MEAF6: variants seen among roughly 807,000 people sequenced by gnomAD.
MEAF6 encodes chromatin modification-related protein MEAF6.
A neutral mutation model predicts 28.9 loss-of-function variants in MEAF6; 15 were observed. The ratio of observed to expected loss-of-function variants is 0.52; its 90% CI spans 0.35 to 0.80. MEAF6 has a LOEUF of 0.80. Among genes scored for constraint, MEAF6 ranks in the 30% least tolerant of loss-of-function variants. The pLI is 0.01. For synonymous variants in MEAF6, 97 were observed against 88.7 expected (o/e 1.09, Z -0.53); for missense variants, 178 against 237.5 (o/e 0.75, Z 1.65).
chr1:37,511,571 T>G (rs746281719), intron 2 of MEAF6, among the ~76,000 whole-genome samples: 6 of 152,190 alleles, frequency 3.9e-5, no homozygotes, highest in Non-Finnish European at 8.8e-5. Context: ...AATCATATGA[T>G]CAAACTTAGC....
rs1367250894 is a variant in MEAF6 at position 37,490,051 on chromosome 1, T to C, written c.*4048A>G. On this transcript the variant is annotated 3_prime_UTR_variant, in exon 7 of 7. Transcript: ENST00000296214. ...CCTACATGTACTAATGAACTAATAT[T>C]GATGTATATTTGATGTATATATATA... Among the ~76,000 whole-genome samples, 1 of 152,192 alleles carries C rather than the reference T, an allele frequency of 6.6e-6. No homozygotes were observed. Among genetic ancestry groups the C allele is most frequent in the East Asian group, 1.9e-4 (1 of 5,196 alleles).
Position 37,514,763 on chromosome 1 carries a change from C to T in MEAF6, c.-17G>A, listed in dbSNP as rs753488206. 6 of 1,362,836 alleles carry T rather than the reference C, an allele frequency of 4.4e-6. No homozygotes were observed. Among genetic ancestry groups the T allele is most frequent in the South Asian group, 2.8e-5 (2 of 70,410 alleles). The allele number at this position is 1,362,836 out of a possible 1,614,324, so 84.4% of individuals were successfully genotyped here. A position where few individuals can be genotyped will look rare whatever the true frequency, so the allele number is the denominator to read the frequency against. On this transcript the variant is annotated 5_prime_UTR_variant, in exon 1 of 7. Coordinates refer to ENST00000296214, the MANE Select transcript of MEAF6 (RefSeq NM_001270875.3). ...CATCGCCATGTTGGGCTGAGGCGGGCGGCGGCGGCGCGAGGTTGGGGGCGG... is the reference window on the plus strand; with the variant it reads ...CATCGCCATGTTGGGCTGAGGCGGGTGGCGGCGGCGCGAGGTTGGGGGCGG...
rs1641941331 is a variant in MEAF6, at chr1:37,491,841, G to C, written c.*2258C>G. Among the ~76,000 whole-genome samples, 3 of 151,090 alleles carry C rather than the reference G, an allele frequency of 2.0e-5. No homozygotes were observed. Among genetic ancestry groups the C allele is most frequent in the African/African-American group, 7.3e-5 (3 of 41,224 alleles). On this transcript the variant is annotated 3_prime_UTR_variant, in exon 7 of 7. Coordinates refer to ENST00000296214, the MANE Select transcript of MEAF6 (RefSeq NM_001270875.3). ...AGGTCTGCTGTGTGCTTTCCTCAGA[G>C]GGAAGGAAACTAGGCATCCCACTGC...
chr1:37,496,944 TA>T (rs1244978135), intron 5 of MEAF6, among the ~76,000 whole-genome samples: 1 of 152,202 alleles, frequency 6.6e-6, no homozygotes, highest in Admixed American at 6.5e-5. Context: ...AAGACTAGAC[TA>T]TGAAAGAAAA....
In MEAF6 at chr1:37,493,769, T is replaced by C. The variant is rs1386188601; in HGVS notation, c.*330A>G. The C allele has an allele frequency of 1.9e-6, 3 of 1,550,016 alleles. No homozygotes were observed. Among genetic ancestry groups the C allele is most frequent in the South Asian group, 2.4e-5 (2 of 84,034 alleles). On this transcript the variant is annotated 3_prime_UTR_variant, in exon 7 of 7. Transcript: ENST00000296214. ...ACCAGAGAACATTTCTTGAAGGGTA[T>C]CACAGATGAAGCTGGTGCCAGCCAG...
rs1642025125 is a variant in MEAF6 at position 37,493,882 on chromosome 1, TTC to T, written c.*215_*216del. On this transcript the variant is annotated 3_prime_UTR_variant, in exon 7 of 7. Coordinates refer to ENST00000296214, the MANE Select transcript of MEAF6 (RefSeq NM_001270875.3). ...CAACATTGTCTTCATCTTCCTGCAG[TTC>T]TGTTACTAAAAATGACATAAAGTAA... The T allele has an allele frequency of 1.7e-5, 26 of 1,566,402 alleles. No individual in the cohort carries two copies. The highest frequency in any genetic ancestry group is 2.2e-5 in the Non-Finnish European group (26 of 1,157,674).
At chr1:37,500,724 ACT>A (rs1204907661) in intron 5 of MEAF6, among the ~76,000 whole-genome samples, 1 of 152,226 alleles carries the variant, frequency 6.6e-6, no homozygotes, top group East Asian at 1.9e-4. Flanking sequence ...ACCCCCAGGC[ACT>A]GTCATATCCA....
intron 4 of MEAF6, among the ~76,000 whole-genome samples, chr1:37,505,279 A>T (rs1642444187): frequency 6.6e-6 from 1 of 152,196 alleles, no homozygotes; most frequent in South Asian, 2.1e-4. Flanking sequence ...GGAAAGAGAC[A>T]GTTCCAAAAA....
At chr1:37,514,170 G>C (rs1642757735) in intron 1 of MEAF6, 1 of 157,970 alleles carries the variant, frequency 6.3e-6, no homozygotes, top group Admixed American at 6.5e-5. Flanking sequence ...TCACAACCCT[G>C]TCTATCAAAA....
At chr1:37,503,899 G>A (rs1642393905) in intron 4 of MEAF6, among the ~76,000 whole-genome samples, 1 of 152,132 alleles carries the variant, frequency 6.6e-6, no homozygotes, top group Admixed American at 6.6e-5. Flanking sequence ...AGTGGAGATT[G>A]CATGAGCCAA....
Position 37,492,538 on chromosome 1 carries a change from C to G in MEAF6, c.*1561G>C, listed in dbSNP as rs1314615229. 1.5e-5 allele frequency: 1 copy of G among 65,752 alleles called. No homozygotes were observed. The highest frequency in any genetic ancestry group is 6.2e-4 in the East Asian group (1 of 1,606). 4.1% of individuals were successfully genotyped at this position (65,752 alleles called of 1,614,324 possible). A position where few individuals can be genotyped will look rare whatever the true frequency, so the allele number is the denominator to read the frequency against. On this transcript the variant is annotated 3_prime_UTR_variant, in exon 7 of 7. Coordinates refer to ENST00000296214, the MANE Select transcript of MEAF6 (RefSeq NM_001270875.3). ...GGAGTTCTGCTACCAAAGACACAGTCAAAGATCTAAATAGCCAGAGTCAAA... is the reference window on the plus strand; with the variant it reads ...GGAGTTCTGCTACCAAAGACACAGTGAAAGATCTAAATAGCCAGAGTCAAA...
Position 37,493,426 on chromosome 1 carries a change from C to T in MEAF6, c.*673G>A. 3.7e-6 allele frequency: 1 copy of T among 269,992 alleles called. No individual in the cohort carries two copies. The highest frequency in any genetic ancestry group is 6.9e-6 in the Non-Finnish European group (1 of 145,250). 16.7% of individuals were successfully genotyped at this position (269,992 alleles called of 1,614,324 possible). On this transcript the variant is annotated 3_prime_UTR_variant, in exon 7 of 7. Transcript: ENST00000296214. ...TCCTTGAACATGAATCTACTACCAA[C>T]TCAGAAAGATTTAAGATAGGTAATT...
At chr1:37,514,569 CA>C in intron 1 of MEAF6, 87 bp downstream of exon 1, 1 of 1,070,686 alleles carries the variant, frequency 9.3e-7, no homozygotes. Flanking sequence ...CCCGGAGTAA[CA>C]AACGGCCTAG....
Position 37,514,740 on chromosome 1 carries a change from T to G in MEAF6, c.7A>C (p.Met3Leu). The G allele has an allele frequency of 6.7e-7, 1 of 1,485,298 alleles. No individual in the cohort carries two copies. Among genetic ancestry groups the G allele is most frequent in the Non-Finnish European group, 8.9e-7 (1 of 1,118,320 alleles). The allele number at this position is 1,485,298 out of a possible 1,614,324, so 92.0% of individuals were successfully genotyped here. A position where few individuals can be genotyped will look rare whatever the true frequency, so the allele number is the denominator to read the frequency against. Residue 3 changes from methionine to leucine, a missense_variant, in exon 1 of 7, where the codon ATG becomes CTG. Transcript: ENST00000296214. MA[M>L]HNKAAPPQIP... ...TGCGGCGGCGCCGCCTTGTTGTGCA[T>G]CGCCATGTTGGGCTGAGGCGGGCGG... is the stretch of plus-strand genomic sequence containing the variant.
chr1:37,505,034 C>T (rs1227036853), intron 4 of MEAF6, among the ~76,000 whole-genome samples: 2 of 151,988 alleles, frequency 1.3e-5, no homozygotes, highest in Non-Finnish European at 2.9e-5. Context: ...CAGGCACCCA[C>T]CACCATGCCC....
chr1:37,501,840 C>T lies in MEAF6; in HGVS notation c.497G>A (p.Ser166Asn). The T allele has an allele frequency of 6.2e-7, 1 of 1,600,058 alleles. No homozygotes were observed. Among genetic ancestry groups the T allele is most frequent in the Non-Finnish European group, 8.5e-7 (1 of 1,170,636 alleles). Reference protein sequence around the residue: ...ASSTSSGSHHSSHKKRKNKNR... With the variant: ...ASSTSSGSHHNSHKKRKNKNR... The stretch of plus-strand genomic sequence containing the variant: ...TTTATTCTTTCGCTTTTTATGGCTG[C>T]TGTGGTGACTCCCTGAGGAAGTAGA... The change falls in exon 5 of 7, where the codon AGC (serine) becomes AAC (asparagine). Residue 166 changes from serine to asparagine, a missense_variant. By Grantham distance (46) the Ser-to-Asn change is conservative. Coordinates refer to ENST00000296214, the MANE Select transcript of MEAF6 (RefSeq NM_001270875.3).
At chr1:37,514,535 G>A (rs886371408) in intron 1 of MEAF6, 122 bp downstream of exon 1, 28 of 638,394 alleles carry the variant, frequency 4.4e-5, no homozygotes, top group African/African-American at 2.7e-4. Context: ...AGGCCGCCGA[G>A]CACCCGGCCC....
chr1:37,508,965 C>T (rs767020281), intron 4 of MEAF6, among the ~76,000 whole-genome samples: 1 of 152,116 alleles, frequency 6.6e-6, no homozygotes, highest in Non-Finnish European at 1.5e-5. Flanking sequence ...GGTGTGGTGA[C>T]AGATGCCTGT....
At chr1:37,501,285 A>G (rs1351032941) in intron 5 of MEAF6, 1 of 152,284 alleles carries the variant, frequency 6.6e-6, no homozygotes, top group Non-Finnish European at 1.5e-5. Context: ...TGAAGTCAGC[A>G]TATTGCTGAG....
Sources: gnomAD v4.1 joint callset for allele counts (sites outside exome capture counted in the v4.1 genomes callset) on GRCh38, gnomAD v4.1.1 for gene constraint, MANE v1.5 for transcripts, NCBI Gene and HGNC (gene_info 2026-07-23, HGNC 2026-07-21) for gene names.